The following LDLRAD3 variants were observed in gnomAD, a reference collection of about 807,000 sequenced individuals.
LDLRAD3 encodes the protein low-density lipoprotein receptor class A domain-containing protein 3.
Under a neutral mutation model 29.4 loss-of-function variants are expected in LDLRAD3, and 20 were observed. The observed-to-expected ratio is 0.68, with a 90% CI of 0.48 to 0.99. The LOEUF (loss-of-function observed/expected upper bound fraction) is 0.99. LDLRAD3 is among the 50% of genes least tolerant of loss of function. The pLI, the probability that LDLRAD3 is intolerant of heterozygous loss-of-function variation, is 0.00. For missense variants in LDLRAD3, 420 were observed against 454.3 expected (o/e 0.92, Z 0.69); for synonymous variants, 157 against 192.7 (o/e 0.81, Z 1.53).
chr11:36,190,438 T>G (rs1854923765), intron 4 of LDLRAD3, among the ~76,000 whole-genome samples: 1 of 152,172 alleles, frequency 6.6e-6, no homozygotes, highest in Admixed American at 6.6e-5. Flanking sequence ...AGTTAAAGTC[T>G]GCCGTGAGTT....
At chr11:35,953,264 G>A (rs941927601) in intron 1 of LDLRAD3, among the ~76,000 whole-genome samples, 1 of 152,180 alleles carries the variant, frequency 6.6e-6, no homozygotes, top group African/African-American at 2.4e-5. Context: ...CCACGGGGAG[G>A]GAGGGCAGGC....
chr11:36,103,888 T>C (rs1296345814), intron 4 of LDLRAD3, among the ~76,000 whole-genome samples: 1 of 152,224 alleles, frequency 6.6e-6, no homozygotes, highest in African/African-American at 2.4e-5. Context: ...TTTTTAAAGC[T>C]GAGTGGTATT....
In LDLRAD3 at chr11:36,227,368, G is replaced by A. The variant is rs146712517; in HGVS notation, c.738G>A (p.Ala246=). 1.5e-5 allele frequency: 24 copies of A among 1,613,432 alleles called. No homozygotes were observed. Among genetic ancestry groups the A allele is most frequent in the Middle Eastern group, 1.6e-4 (1 of 6,082 alleles). The change falls in exon 5 of 6, where the codon GCG becomes GCA. Residue 246 remains alanine, a synonymous_variant. Transcript: ENST00000315571. ...GCATCCAGTATGTGGCCAGCCAGGC[G>A]GAGCAGAATGCGTCGGAAGTAGGCT... ...NNGIQYVASQ[A]EQNASEVGSP...
chr11:35,997,958 G>A (rs1017774511), intron 1 of LDLRAD3, among the ~76,000 whole-genome samples: 2 of 152,204 alleles, frequency 1.3e-5, no homozygotes, highest in Non-Finnish European at 2.9e-5. Context: ...AGGCTGTGGC[G>A]AGGGCACTGG....
intron 4 of LDLRAD3, among the ~76,000 whole-genome samples, chr11:36,171,690 T>C (rs1213069877): frequency 6.6e-6 from 1 of 152,224 alleles, no homozygotes; most frequent in East Asian, 1.9e-4. Flanking sequence ...TGTGCCTGTT[T>C]TTCTACCAGT....
Position 36,107,967 on chromosome 11 carries a change from T to C in LDLRAD3, c.454+9506T>C, listed in dbSNP as rs1020408243. The stretch of plus-strand genomic sequence containing the variant: ...GAGCTATCATTATTTTATGTTTTGC[T>C]GAGAAAGAAACAATACTGACCATTA... On this transcript the variant is annotated intron_variant, in intron 4 of 5. Coordinates refer to ENST00000315571, the MANE Select transcript of LDLRAD3 (RefSeq NM_174902.4). Among the ~76,000 whole-genome samples, 5 of 152,168 alleles carry C rather than the reference T, an allele frequency of 3.3e-5. No homozygotes were observed. In the East Asian group the frequency reaches 9.6e-4, roughly 29 times the overall value.
chr11:36,090,161 T>A (rs1000398971), intron 3 of LDLRAD3, among the ~76,000 whole-genome samples: 5 of 152,042 alleles, frequency 3.3e-5, no homozygotes, highest in Non-Finnish European at 4.4e-5. Flanking sequence ...TACAGCAAAA[T>A]GTATGCTTGG....
intron 5 of LDLRAD3, 148 bp from the exon 6 acceptor site, chr11:36,229,012 A>T: frequency 1.4e-6 from 1 of 690,664 alleles, no homozygotes; most frequent in Non-Finnish European, 2.6e-6. Flanking sequence ...TCCTTGAATT[A>T]ATTGTCTTTG....
At chr11:36,042,521 C>T (rs1031825538) in intron 2 of LDLRAD3, among the ~76,000 whole-genome samples, 2 of 152,118 alleles carry the variant, frequency 1.3e-5, no homozygotes, top group African/African-American at 4.8e-5. Flanking sequence ...CTCAGTTCTC[C>T]CCATCACTCT....
intron 2 of LDLRAD3, among the ~76,000 whole-genome samples, chr11:36,070,748 G>A (rs562324026): frequency 3.9e-5 from 6 of 152,260 alleles, no homozygotes; most frequent in South Asian, 2.1e-4. Context: ...ATTCACAAGC[G>A]TCCCTGGGGA....
chr11:36,085,146 C>T (rs1853176340), intron 3 of LDLRAD3, among the ~76,000 whole-genome samples: 1 of 152,182 alleles, frequency 6.6e-6, no homozygotes, highest in African/African-American at 2.4e-5. Flanking sequence ...AGCTTGCCTT[C>T]ATCTGAGAAT....
chr11:36,188,643 C>T (rs1231012250), intron 4 of LDLRAD3, among the ~76,000 whole-genome samples: 3 of 152,118 alleles, frequency 2.0e-5, no homozygotes, highest in Non-Finnish European at 4.4e-5. Context: ...CACAGCCTAG[C>T]GACTGCCCCT....
At position 36,007,823 on chromosome 11, in the gene LDLRAD3, G is replaced by A. The variant is rs1451488543; in HGVS notation, c.47-28280G>A. 8.5e-5 allele frequency among the ~76,000 whole-genome samples: 13 copies of A among 152,284 alleles called. No homozygotes were observed. In the East Asian group the frequency reaches 2.3e-3, roughly 27 times the overall value. On this transcript the variant is annotated intron_variant, in intron 1 of 5. Coordinates refer to ENST00000315571, the MANE Select transcript of LDLRAD3 (RefSeq NM_174902.4). ...TGAGGGGAAACTGGCAGGAGAATCC[G>A]ACAGGCTGCAATGTAAGCTTGTAGT...
At chr11:36,174,710 A>G (rs916120136) in intron 4 of LDLRAD3, among the ~76,000 whole-genome samples, 5 of 152,182 alleles carry the variant, frequency 3.3e-5, no homozygotes, top group African/African-American at 1.2e-4. Context: ...GGCCAGGCGC[A>G]GTGGCTCACG....
intron 4 of LDLRAD3, among the ~76,000 whole-genome samples, chr11:36,134,302 AT>A (rs1434565799): frequency 6.6e-6 from 1 of 152,224 alleles, no homozygotes; most frequent in African/African-American, 2.4e-5. Flanking sequence ...AGTCTCCTTA[AT>A]ATGCAGTGTC....
chr11:36,115,235 A>G (rs1043187936), intron 4 of LDLRAD3, among the ~76,000 whole-genome samples: 5 of 152,190 alleles, frequency 3.3e-5, no homozygotes, highest in African/African-American at 1.2e-4. Context: ...GACTTGTGAG[A>G]CCTGGAACCA....
chr11:36,090,216 A>G (rs1917900), intron 3 of LDLRAD3, among the ~76,000 whole-genome samples: 116,441 of 152,054 alleles, frequency 0.77, 44,915 homozygotes, highest in African/African-American at 0.86. Context: ...AATATAAAAG[A>G]TTATATTTTA....
intron 4 of LDLRAD3, among the ~76,000 whole-genome samples, chr11:36,204,335 A>C (rs1855173439): frequency 6.6e-6 from 1 of 152,142 alleles, no homozygotes; most frequent in Non-Finnish European, 1.5e-5. Flanking sequence ...GGTACAAAGA[A>C]GGTAAGTAGT....
intron 2 of LDLRAD3, among the ~76,000 whole-genome samples, chr11:36,061,363 A>T (rs1039686075): frequency 2.0e-5 from 3 of 152,102 alleles, no homozygotes; most frequent in Non-Finnish European, 4.4e-5. Context: ...CTGGTCTCGA[A>T]CTTCTGACCT....
Sources: allele counts gnomAD v4.1 joint callset (sites outside exome capture counted in the v4.1 genomes callset), GRCh38; gene constraint gnomAD v4.1.1; transcripts MANE v1.5; gene names NCBI Gene and HGNC (gene_info 2026-07-23, HGNC 2026-07-21).